The following KCNK17 variants were observed in gnomAD, a reference collection of about 807,000 sequenced individuals.
The protein encoded by KCNK17 is potassium two pore domain channel subfamily K member 17.
Under a neutral mutation model 24.6 loss-of-function variants are expected in KCNK17, and 27 were observed. That is an observed-to-expected ratio of 1.10 (90% confidence interval 0.81 to 1.51). The LOEUF (loss-of-function observed/expected upper bound fraction) is 1.51. Among genes scored for constraint, KCNK17 ranks in the 40% most tolerant of loss-of-function variants. The pLI is 0.00. For missense variants in KCNK17, 450 were observed against 436.6 expected, an observed-to-expected ratio of 1.03 and a Z score of -0.27; for synonymous variants, 181 against 189.8, an observed-to-expected ratio of 0.95 and a Z score of 0.38.
intron 2 of KCNK17, among the ~76,000 whole-genome samples, chr6:39,307,037 C>T (rs894068325): frequency 3.3e-5 from 5 of 152,180 alleles, no homozygotes; most frequent in African/African-American, 9.7e-5. Flanking sequence ...GCTGGGATTA[C>T]AGGTGTGAGC....
intron 4 of KCNK17, among the ~76,000 whole-genome samples, chr6:39,301,523 C>T (rs1292108125): frequency 1.3e-5 from 2 of 152,256 alleles, no homozygotes; most frequent in Non-Finnish European, 2.9e-5. Flanking sequence ...GCTGATGGTC[C>T]TAAATGAGAT....
intron 3 of KCNK17, 61 bp from the exon 4 acceptor site, chr6:39,304,192 G>C (rs1761995514): frequency 1.3e-6 from 2 of 1,513,294 alleles, no homozygotes; most frequent in Admixed American, 1.9e-5. Flanking sequence ...TGGGAGCCGA[G>C]GGAGCTGGAG....
Position 39,314,138 on chromosome 6 carries a change from C to A in KCNK17, c.183G>T (p.Glu61Asp), listed in dbSNP as rs370961739. The change falls in exon 1 of 5, where the codon GAG becomes GAT. Residue 61 changes from glutamate to aspartate, a missense_variant. By Grantham distance (45) the Glu-to-Asp change is conservative (BLOSUM62 2). Coordinates refer to ENST00000373231, the MANE Select transcript of KCNK17 (RefSeq NM_031460.4). ...CCAGACACGTGAAGTTCTGCAACAG[C>A]TCCCACTTGTCGCGCTGGAAGCTGC... Reference protein sequence around the residue: ...SSRSFQRDKWELLQNFTCLDR... With the variant: ...SSRSFQRDKWDLLQNFTCLDR... 1.6e-4 allele frequency: 253 copies of A among 1,594,158 alleles called. 2 individuals carry two copies. Among genetic ancestry groups the A allele is most frequent in the Non-Finnish European group, 2.9e-5 (34 of 1,173,474 alleles).
Position 39,311,105 on chromosome 6 carries a change from CACACACACACACACAA to C in KCNK17, c.238-114_238-99del, listed in dbSNP as rs1022384826. 5.1e-6 allele frequency: 3 copies of C among 583,912 alleles called. No individual in the cohort carries two copies. In the African/African-American group the frequency reaches 6.8e-5, roughly 13 times the overall value. The allele number at this position is 583,912 out of a possible 1,614,324, so 36.2% of individuals were successfully genotyped here. A position where few individuals can be genotyped will look rare whatever the true frequency, so the allele number is the denominator to read the frequency against. The stretch of plus-strand genomic sequence containing the variant: ...ACACACACACACACACACACACACA[CACACACACACACACAA>C]ACAAACCTACACACACAGCCCTCAC... On this transcript the variant is annotated intron_variant, in intron 1 of 4. Transcript: ENST00000373231.
intron 1 of KCNK17, among the ~76,000 whole-genome samples, chr6:39,312,864 G>A (rs1363597190): frequency 6.6e-6 from 1 of 152,164 alleles, no homozygotes; most frequent in African/African-American, 2.4e-5. Context: ...GGGAGCTGGA[G>A]GAATCACTTT....
chr6:39,300,502 G>A lies in KCNK17; in HGVS notation c.689-765C>T, dbSNP rs762722338. The A allele has an allele frequency of 1.5e-5, 24 of 1,551,058 alleles. No individual in the cohort carries two copies. The Admixed American group carries it at 1.6e-4, about 10-fold the overall frequency. On this transcript the variant is annotated intron_variant, in intron 4 of 4. Transcript: ENST00000373231. ...TTGCCAGTCTCTGTTTGGTTTTCTC[G>A]TATCTGAAATGAGGCAGCTTGCTGG...
intron 2 of KCNK17, among the ~76,000 whole-genome samples, chr6:39,309,910 T>G (rs927716763): frequency 6.6e-5 from 10 of 152,174 alleles, no homozygotes; most frequent in Admixed American, 2.0e-4. Context: ...CAAGCATGCT[T>G]GTCTCAAGGA....
chr6:39,307,912 C>T (rs1165150582), intron 2 of KCNK17, among the ~76,000 whole-genome samples: 1 of 152,190 alleles, frequency 6.6e-6, no homozygotes, highest in East Asian at 1.9e-4. Flanking sequence ...AGTCACATTC[C>T]CATCTCAGGG....
intron 4 of KCNK17, among the ~76,000 whole-genome samples, chr6:39,302,120 C>T (rs1478488663): frequency 2.0e-5 from 3 of 152,202 alleles, no homozygotes; most frequent in Non-Finnish European, 4.4e-5. Flanking sequence ...ATTGTGGTGA[C>T]CTGCTACGAG....
chr6:39,310,318 G>A (rs1762110867), intron 2 of KCNK17, among the ~76,000 whole-genome samples: 1 of 152,142 alleles, frequency 6.6e-6, no homozygotes, highest in Non-Finnish European at 1.5e-5. Context: ...CCCTGTGTGT[G>A]GGGAGGATGG....
intron 4 of KCNK17, among the ~76,000 whole-genome samples, chr6:39,303,166 G>A (rs1761971994): frequency 6.6e-6 from 1 of 152,226 alleles, no homozygotes; most frequent in African/African-American, 2.4e-5. Context: ...TCCAGGCTGG[G>A]TTCTGTCGCT....
intron 2 of KCNK17, 27 bp downstream of exon 2, chr6:39,310,853 TTCCCCCACCCCCA>T: frequency 7.5e-7 from 1 of 1,341,122 alleles, no homozygotes; most frequent in Non-Finnish European, 1.0e-6. Context: ...AGCTGCCTCC[TTCCCCCACCCCCA>T]TCCCCCTGGC....
At position 39,299,498 on chromosome 6, in the gene KCNK17, C is replaced by G. The variant is rs1400102747; in HGVS notation, c.928G>C (p.Glu310Gln). ...SHSPQQGCYP[E>Q]GPMGIIQHLE... ...TGCTGTATGATTCCCATGGGTCCCT[C>G]TGGATAGCATCCTTGCTGTGGGGAG... Residue 310 changes from glutamate (E) to glutamine (Q), a missense_variant, in exon 5 of 5, where the codon GAG becomes CAG. Coordinates refer to ENST00000373231, the MANE Select transcript of KCNK17 (RefSeq NM_031460.4). 2 of 1,614,232 alleles carry G rather than the reference C, an allele frequency of 1.2e-6. No individual in the cohort carries two copies. Among genetic ancestry groups the G allele is most frequent in the South Asian group, 1.1e-5 (1 of 91,086 alleles).
At chr6:39,300,098 G>A (rs1440446828) in intron 4 of KCNK17, among the ~76,000 whole-genome samples, 2 of 152,212 alleles carry the variant, frequency 1.3e-5, no homozygotes, top group African/African-American at 2.4e-5. Context: ...GAAACTCTGG[G>A]CATAGGCCCA....
rs745318464 is a variant in KCNK17 at position 39,310,854 on chromosome 6, TC to T, written c.352+38del. On this transcript the variant is annotated intron_variant, in intron 2 of 4. Coordinates refer to ENST00000373231, the MANE Select transcript of KCNK17 (RefSeq NM_031460.4). ...GTTGCCTCTCAGGGAGCTGCCTCCT[TC>T]CCCCACCCCCATCCCCCTGGCCCCA... is the stretch of plus-strand genomic sequence containing the variant. The T allele has an allele frequency of 9.2e-6, 10 of 1,085,000 alleles. No individual in the cohort carries two copies. The East Asian group carries it at 1.8e-4, about 20-fold the overall frequency. 67.2% of individuals were successfully genotyped at this position (1,085,000 alleles called of 1,614,324 possible). A position where few individuals can be genotyped will look rare whatever the true frequency, so the allele number is the denominator to read the frequency against.
In KCNK17 at chr6:39,310,875, G is replaced by A; in HGVS notation, c.352+18C>T. 2 of 1,486,476 alleles carry A rather than the reference G, an allele frequency of 1.3e-6. No homozygotes were observed. Among genetic ancestry groups the A allele is most frequent in the Non-Finnish European group, 1.9e-6 (2 of 1,077,234 alleles). 92.1% of individuals were successfully genotyped at this position (1,486,476 alleles called of 1,614,324 possible). On this transcript the variant is annotated intron_variant, in intron 2 of 4. Transcript: ENST00000373231. ...TCCTTCCCCCACCCCCATCCCCCTG[G>A]CCCCATCTGGCCCTTACCAATGGTG...
At chr6:39,304,224 T>C (rs1223781690) in intron 3 of KCNK17, 93 bp from the exon 4 acceptor site, 60 of 1,220,278 alleles carry the variant, frequency 4.9e-5, no homozygotes, top group Non-Finnish European at 6.5e-5. Flanking sequence ...CTGTCCCCAG[T>C]AAGAAGGGGG....
intron 2 of KCNK17, among the ~76,000 whole-genome samples, chr6:39,306,687 C>T (rs1449435905): frequency 1.3e-5 from 2 of 152,072 alleles, no homozygotes; most frequent in Non-Finnish European, 2.9e-5. Context: ...GAGTCTGCTG[C>T]ACCTCCTAGG....
chr6:39,304,178 T>C (rs778775148), intron 3 of KCNK17, 47 bp from the exon 4 acceptor site: 8 of 1,572,200 alleles, frequency 5.1e-6, no homozygotes, highest in Admixed American at 1.7e-5. Flanking sequence ...CTTCACCCCA[T>C]GCGTGGGAGC....
Sources: allele counts gnomAD v4.1 joint callset (sites outside exome capture counted in the v4.1 genomes callset), GRCh38; gene constraint gnomAD v4.1.1; transcripts MANE v1.5; gene names NCBI Gene and HGNC (gene_info 2026-07-23, HGNC 2026-07-21).